The following HERC5 variants were observed in gnomAD, a reference collection of about 807,000 sequenced individuals.
HERC5 encodes the protein HECT and RLD domain containing E3 ubiquitin protein ligase 5, also known as E3 ISG15--protein ligase HERC5.
In HERC5, 99 loss-of-function variants were observed where a neutral mutation model predicts 119.6. The observed-to-expected ratio is 0.83, with a 90% CI of 0.70 to 0.98. The LOEUF (loss-of-function observed/expected upper bound fraction) is 0.98, where lower values mean the gene tolerates loss of function less well. Ranked by LOEUF, HERC5 falls within the 50% of genes least tolerant of loss-of-function variation. HERC5 has a pLI of 0.00. For synonymous variants in HERC5, 478 were observed against 445.9 expected (o/e 1.07, Z -0.91); for missense variants, 1,267 against 1,241.3 (o/e 1.02, Z -0.31).
At chr4:88,464,090 C>G (rs866754648) in intron 6 of HERC5, 105 bp downstream of exon 6, 8 of 871,950 alleles carry the variant, frequency 9.2e-6, no homozygotes, top group Non-Finnish European at 1.1e-5. Flanking sequence ...CAAACATTTT[C>G]AAATCAGTGA....
intron 13 of HERC5, among the ~76,000 whole-genome samples, chr4:88,481,613 G>T (rs1484342015): frequency 6.6e-6 from 1 of 151,992 alleles, no homozygotes; most frequent in Non-Finnish European, 1.5e-5. Context: ...TAAATCAGGG[G>T]TCGGCAGCTT....
rs185218959 is a variant in HERC5, at chr4:88,496,927, T to C, written c.2444+2596T>C. Among the ~76,000 whole-genome samples the C allele has an allele frequency of 3.2e-3, 481 of 152,214 alleles. 7 individuals are homozygous for C. The highest frequency in any genetic ancestry group is 0.011 in the African/African-American group (468 of 41,548). On this transcript the variant is annotated intron_variant, in intron 18 of 22. Transcript: ENST00000264350. ...TGGAGCCCTCATGAGTAGAATTCATTCCCCTATGAAAGAGGCCCAAGGGAG... is the reference window on the plus strand; with the variant it reads ...TGGAGCCCTCATGAGTAGAATTCATCCCCCTATGAAAGAGGCCCAAGGGAG...
rs1740177918 is a variant in HERC5 at position 88,457,242 on chromosome 4, T to C, written c.-28T>C. ...GGACCAGGCGTTCTCTCCTCTCGCC[T>C]CTGGGCCTGGGACCCCGCAAAGCGG... On this transcript the variant is annotated 5_prime_UTR_variant, in exon 1 of 23. Coordinates refer to ENST00000264350, the MANE Select transcript of HERC5 (RefSeq NM_016323.4). The C allele has an allele frequency of 3.1e-6, 4 of 1,306,982 alleles. No individual in the cohort carries two copies. Among genetic ancestry groups the C allele is most frequent in the Non-Finnish European group, 3.9e-6 (4 of 1,027,264 alleles). 81.0% of individuals were successfully genotyped at this position (1,306,982 alleles called of 1,614,324 possible).
intron 13 of HERC5, among the ~76,000 whole-genome samples, chr4:88,480,066 CAAAAA>C (rs58577205): frequency 2.1e-5 from 2 of 93,940 alleles, no homozygotes; most frequent in African/African-American, 7.3e-5. Context: ...GACTCCGTCT[CAAAAA>C]AAAAAAAAAA....
At chr4:88,502,118 G>A (rs1008933541) in intron 20 of HERC5, among the ~76,000 whole-genome samples, 18 of 151,802 alleles carry the variant, frequency 1.2e-4, no homozygotes, top group African/African-American at 3.6e-4. Flanking sequence ...ATTTTTGACC[G>A]ACATAGTGTA....
intron 5 of HERC5, 112 bp from the exon 6 acceptor site, chr4:88,463,743 T>C: frequency 1.4e-6 from 2 of 1,394,746 alleles, no homozygotes. Context: ...CCTTCTGATA[T>C]TTAGGAGCTT....
intron 18 of HERC5, among the ~76,000 whole-genome samples, chr4:88,498,435 C>T (rs772807264): frequency 2.0e-5 from 3 of 152,228 alleles, no homozygotes; most frequent in African/African-American, 2.4e-5. Flanking sequence ...AAAGATTATT[C>T]TCAAGCCTTA....
In HERC5 at chr4:88,457,144, C is replaced by G; in HGVS notation, c.-126C>G. On this transcript the variant is annotated 5_prime_UTR_variant, in exon 1 of 23. Transcript: ENST00000264350. ...AGTAGCTGAGGCTGCGGTTCCCCGA[C>G]GCCACGCAGCTGCGCGCAGCTGGTT... 1 of 1,231,926 alleles carries G rather than the reference C, an allele frequency of 8.1e-7. No homozygotes were observed. The highest frequency in any genetic ancestry group is 1.6e-5 in the African/African-American group (1 of 64,428). The allele number at this position is 1,231,926 out of a possible 1,614,324, so 76.3% of individuals were successfully genotyped here.
chr4:88,495,753 G>GA (rs202063985), intron 18 of HERC5, among the ~76,000 whole-genome samples: 7 of 150,078 alleles, frequency 4.7e-5, no homozygotes, highest in South Asian at 4.2e-4. Flanking sequence ...ATAAGACAAG[G>GA]AAAAAAAAAT....
chr4:88,470,671 A>G lies in HERC5; in HGVS notation c.1296A>G (p.Lys432=), dbSNP rs1366147018. Residue 432 remains lysine (K), a splice_region_variant and synonymous_variant, in exon 10 of 23, where the codon AAA becomes AAG. Transcript: ENST00000264350. ...GTCTAACTGGAAGTTTTTTAAGGAA[A>G]AGGTAATATATGTAATAAATTAATT... The part of the protein sequence containing the change: ...PACLTGSFLR[K]RRTTEMMPVY... 7.5e-7 allele frequency: 1 copy of G among 1,334,512 alleles called. No homozygotes were observed. Among genetic ancestry groups the G allele is most frequent in the Non-Finnish European group, 1.1e-6 (1 of 932,582 alleles). 82.7% of individuals were successfully genotyped at this position (1,334,512 alleles called of 1,614,324 possible).
At position 88,457,551 on chromosome 4, in the gene HERC5, T is replaced by A. The variant is rs1740202543; in HGVS notation, c.265+17T>A. ...GGACGCCGAGTGAGTGGGGCTGGTGTGTGAGGGCTGTGAGGGCTGTGAGGG... is the reference window on the plus strand; with the variant it reads ...GGACGCCGAGTGAGTGGGGCTGGTGAGTGAGGGCTGTGAGGGCTGTGAGGG... On this transcript the variant is annotated intron_variant, in intron 1 of 22. Coordinates refer to ENST00000264350, the MANE Select transcript of HERC5 (RefSeq NM_016323.4). 8.1e-7 allele frequency: 1 copy of A among 1,238,240 alleles called. No homozygotes were observed. The highest frequency in any genetic ancestry group is 1.0e-6 in the Non-Finnish European group (1 of 988,724). 76.7% of individuals were successfully genotyped at this position (1,238,240 alleles called of 1,614,324 possible).
chr4:88,504,598 G>C lies in HERC5; in HGVS notation c.2869+1G>C. 1 of 1,523,150 alleles carries C rather than the reference G, an allele frequency of 6.6e-7. No individual in the cohort carries two copies. The highest frequency in any genetic ancestry group is 8.8e-7 in the Non-Finnish European group (1 of 1,130,684). The allele number at this position is 1,523,150 out of a possible 1,614,324, so 94.4% of individuals were successfully genotyped here. A position where few individuals can be genotyped will look rare whatever the true frequency, so the allele number is the denominator to read the frequency against. On this transcript the variant is annotated splice_donor_variant, in intron 22 of 22. Coordinates refer to ENST00000264350, the MANE Select transcript of HERC5 (RefSeq NM_016323.4). LOFTEE classifies it high-confidence loss of function. Reference sequence around the variant, plus strand: ...CTGGAAGAAAAGAAAAAATTCCTTGGTAAGTATTATATCAAGGAATAGATC... The same window carrying C: ...CTGGAAGAAAAGAAAAAATTCCTTGCTAAGTATTATATCAAGGAATAGATC...
At chr4:88,466,772 G>A (rs1486502473) in intron 6 of HERC5, among the ~76,000 whole-genome samples, 1 of 152,242 alleles carries the variant, frequency 6.6e-6, no homozygotes, top group Non-Finnish European at 1.5e-5. Flanking sequence ...AAGAGGTGGT[G>A]ACTCAAACTG....
chr4:88,468,429 A>G lies in HERC5; in HGVS notation c.1134+7A>G. 1.9e-6 allele frequency: 3 copies of G among 1,587,878 alleles called. No homozygotes were observed. The highest frequency in any genetic ancestry group is 1.7e-5 in the Admixed American group (1 of 59,450). ...GCTCTGGATAAAGAAAGAGGTAAAA[A>G]TAGATCTCCAGGTGTTCTATAACCT... On this transcript the variant is annotated splice_region_variant and intron_variant, in intron 8 of 22. Coordinates refer to ENST00000264350, the MANE Select transcript of HERC5 (RefSeq NM_016323.4).
intron 16 of HERC5, among the ~76,000 whole-genome samples, chr4:88,489,990 C>T (rs368911479): frequency 5.3e-5 from 8 of 152,142 alleles, no homozygotes; most frequent in Middle Eastern, 3.4e-3. Context: ...GCCTGGGTGA[C>T]GGAGCGAGAC....
At position 88,463,809 on chromosome 4, in the gene HERC5, T is replaced by C. The variant is rs767143770; in HGVS notation, c.781-46T>C. 4 of 1,604,860 alleles carry C rather than the reference T, an allele frequency of 2.5e-6. No individual in the cohort carries two copies. The African/African-American group carries it at 4.0e-5, about 16-fold the overall frequency. The stretch of plus-strand genomic sequence containing the variant: ...ACTTTGCATCAGTGAATACTACTTT[T>C]TTATTTTATTTTTCTAGCATCTGAT... On this transcript the variant is annotated intron_variant, in intron 5 of 22. Transcript: ENST00000264350.
chr4:88,499,955 G>A lies in HERC5; in HGVS notation c.2474G>A (p.Gly825Asp), dbSNP rs773018703. The A allele has an allele frequency of 7.5e-6, 12 of 1,608,570 alleles. 1 individual carries two copies. In the South Asian group the frequency reaches 1.3e-4, roughly 18 times the overall value. ...TTGCAAACACTTCTGGATGATGAAGGTGATAACTTTGAGGAAGTATTTTAC... is the reference window on the plus strand; with the variant it reads ...TTGCAAACACTTCTGGATGATGAAGATGATAACTTTGAGGAAGTATTTTAC... The part of the protein sequence containing the change: ...KNLQTLLDDE[G>D]DNFEEVFYIH... The change falls in exon 19 of 23, where the codon GGT (glycine) becomes GAT (aspartate). Residue 825 changes from glycine (G) to aspartate (D), a missense_variant. Physicochemically the swap from Gly to Asp is moderately conservative, Grantham distance 94 (BLOSUM62 -1). Coordinates refer to ENST00000264350, the MANE Select transcript of HERC5 (RefSeq NM_016323.4).
At chr4:88,459,547 T>C in intron 2 of HERC5, 77 bp downstream of exon 2, 1 of 942,722 alleles carries the variant, frequency 1.1e-6, no homozygotes, top group Non-Finnish European at 1.5e-6. Context: ...AATATCTGAT[T>C]CTTGTCCCCT....
chr4:88,475,203 G>A (rs1355305257), intron 11 of HERC5, among the ~76,000 whole-genome samples: 2 of 149,684 alleles, frequency 1.3e-5, no homozygotes, highest in African/African-American at 4.9e-5. Flanking sequence ...AACCCACGGT[G>A]TGATAGTGTA....
Sources: gnomAD v4.1 joint callset for allele counts (sites outside exome capture counted in the v4.1 genomes callset) on GRCh38, gnomAD v4.1.1 for gene constraint, MANE v1.5 for transcripts, NCBI Gene and HGNC (gene_info 2026-07-23, HGNC 2026-07-21) for gene names.